The following SLC5A1 variants were observed in gnomAD, a reference collection of about 807,000 sequenced individuals.
SLC5A1 encodes the protein solute carrier family 5 member 1.
SLC5A1 carries 42 observed loss-of-function variants against 73.5 expected under a neutral mutation model. The ratio of observed to expected loss-of-function variants is 0.57; its 90% CI spans 0.45 to 0.74. The LOEUF (loss-of-function observed/expected upper bound fraction) is 0.74, where lower values mean the gene tolerates loss of function less well. SLC5A1 is among the 30% of genes least tolerant of loss of function. The pLI is 0.00. For missense variants in SLC5A1, 634 were observed against 855.4 expected, an observed-to-expected ratio of 0.74 and a Z score of 3.23; for synonymous variants, 300 against 317.4, an observed-to-expected ratio of 0.95 and a Z score of 0.58.
In SLC5A1 at chr22:32,049,806, A is replaced by C. The variant is rs1024224103; in HGVS notation, c.136-137A>C. On this transcript the variant is annotated intron_variant, in intron 1 of 14. Coordinates refer to ENST00000266088, the MANE Select transcript of SLC5A1 (RefSeq NM_000343.4). The stretch of plus-strand genomic sequence containing the variant: ...CTTCATCTAAGTCTTTTGAGGCTGC[A>C]GGGGAAGAAGGAATGTGAAAGTGTT... 4 of 789,266 alleles carry C rather than the reference A, an allele frequency of 5.1e-6. No homozygotes were observed. In the Admixed American group the frequency reaches 6.8e-5, roughly 13 times the overall value. 48.9% of individuals were successfully genotyped at this position (789,266 alleles called of 1,614,324 possible). A position where few individuals can be genotyped will look rare whatever the true frequency, so the allele number is the denominator to read the frequency against.
Position 32,049,989 on chromosome 22 carries a change from C to T in SLC5A1, c.182C>T (p.Ala61Val), listed in dbSNP as rs1277952619. Residue 61 changes from alanine to valine, a missense_variant, in exon 2 of 15, where the codon GCA (alanine) becomes GTA (valine). By Grantham distance (64) the Ala-to-Val change is moderately conservative (BLOSUM62 0). Coordinates refer to ENST00000266088, the MANE Select transcript of SLC5A1 (RefSeq NM_000343.4). ...NRGTVGGFFL[A>V]GRSMVWWPIG... ...GGGACTGTTGGAGGCTTCTTCCTGGCAGGCCGAAGTATGGTGTGGTGGCCG... is the reference window on the plus strand; with the variant it reads ...GGGACTGTTGGAGGCTTCTTCCTGGTAGGCCGAAGTATGGTGTGGTGGCCG... The T allele has an allele frequency of 1.9e-6, 3 of 1,613,960 alleles. No homozygotes were observed. The highest frequency in any genetic ancestry group is 2.5e-6 in the Non-Finnish European group (3 of 1,179,958).
chr22:32,104,896 C>T lies in SLC5A1; in HGVS notation c.1771+5C>T, dbSNP rs1038003566. 1 of 1,594,272 alleles carries T rather than the reference C, an allele frequency of 6.3e-7. No homozygotes were observed. The highest frequency in any genetic ancestry group is 1.3e-5 in the African/African-American group (1 of 74,686). On this transcript the variant is annotated splice_donor_5th_base_variant and intron_variant, in intron 14 of 14. Coordinates refer to ENST00000266088, the MANE Select transcript of SLC5A1 (RefSeq NM_000343.4). ...CTAAGGAGACCATTGAAATAGGTGA[C>T]TTATGACCCAGAGCAGATCCTAAAC... is the stretch of plus-strand genomic sequence containing the variant.
At position 32,043,698 on chromosome 22, in the gene SLC5A1, G is replaced by A. The variant is rs1386097748; in HGVS notation, c.135+282G>A. ...AAGGTGGGGGTTTGAAGAGACCGCT[G>A]GAAAGTGTAAGGGGCAGGAAAGCGG... On this transcript the variant is annotated intron_variant, in intron 1 of 14. Coordinates refer to ENST00000266088, the MANE Select transcript of SLC5A1 (RefSeq NM_000343.4). This position sits in a 1 kb window ranked among gnomAD's most constrained non-coding sequence, Gnocchi z 6.5. Among the ~76,000 whole-genome samples the A allele has an allele frequency of 1.3e-5, 2 of 152,196 alleles. No individual in the cohort carries two copies. The highest frequency in any genetic ancestry group is 4.8e-5 in the African/African-American group (2 of 41,438).
At chr22:32,048,629 C>A (rs1448062963) in intron 1 of SLC5A1, among the ~76,000 whole-genome samples, 3 of 152,182 alleles carry the variant, frequency 2.0e-5, no homozygotes, top group African/African-American at 2.4e-5. Context: ...TCTGCTGTTT[C>A]TGGAATCTTA....
chr22:32,091,947 T>A (rs1157622895), intron 11 of SLC5A1, among the ~76,000 whole-genome samples, 185 bp downstream of exon 11: 1 of 152,202 alleles, frequency 6.6e-6, no homozygotes, highest in Admixed American at 6.5e-5. Context: ...TTATTATTTT[T>A]AAATTTTTTA....
intron 1 of SLC5A1, among the ~76,000 whole-genome samples, chr22:32,047,606 C>T (rs1290736331): frequency 6.6e-6 from 1 of 152,176 alleles, no homozygotes; most frequent in Non-Finnish European, 1.5e-5. Flanking sequence ...GCCATGCTCT[C>T]CCGGGTACTG....
chr22:32,056,841 A>G (rs756393069), intron 2 of SLC5A1, among the ~76,000 whole-genome samples: 1 of 152,212 alleles, frequency 6.6e-6, no homozygotes, highest in Non-Finnish European at 1.5e-5. Flanking sequence ...CAAGGAGAAA[A>G]CGATGACTCT....
intron 7 of SLC5A1, among the ~76,000 whole-genome samples, chr22:32,084,213 C>T (rs971738396): frequency 6.6e-6 from 1 of 152,238 alleles, no homozygotes; most frequent in South Asian, 2.1e-4. Context: ...CAAGTGATTG[C>T]TTTGGTCCCC....
At chr22:32,084,012 C>T (rs2149492198) in intron 7 of SLC5A1, among the ~76,000 whole-genome samples, 1 of 152,314 alleles carries the variant, frequency 6.6e-6, no homozygotes, top group East Asian at 1.9e-4. Flanking sequence ...GGTCTGAGGT[C>T]CCAAAGGCCA....
chr22:32,085,660 C>T (rs2094007046), intron 9 of SLC5A1, among the ~76,000 whole-genome samples: 1 of 151,612 alleles, frequency 6.6e-6, no homozygotes, highest in South Asian at 2.1e-4. Context: ...ATCCTTCCAC[C>T]CTGAATGTTT....
At chr22:32,094,764 A>C (rs935695855) in intron 11 of SLC5A1, among the ~76,000 whole-genome samples, 3 of 150,152 alleles carry the variant, frequency 2.0e-5, no homozygotes, top group African/African-American at 7.3e-5. Context: ...ATGGTCTATC[A>C]ATTTTATTTA....
intron 5 of SLC5A1, among the ~76,000 whole-genome samples, chr22:32,079,043 A>G (rs900164984): frequency 3.3e-5 from 5 of 151,370 alleles, no homozygotes; most frequent in Non-Finnish European, 5.9e-5. Context: ...TTACTTTTCA[A>G]TGTTGTTTTG....
chr22:32,106,724 T>G (rs1348190897), intron 14 of SLC5A1, among the ~76,000 whole-genome samples: 1 of 152,252 alleles, frequency 6.6e-6, no homozygotes, highest in Non-Finnish European at 1.5e-5. Flanking sequence ...TACTTTCTTC[T>G]ACTTCAGTAT....
At chr22:32,050,504 C>T (rs1051041195) in intron 2 of SLC5A1, among the ~76,000 whole-genome samples, 2 of 152,068 alleles carry the variant, frequency 1.3e-5, no homozygotes, top group African/African-American at 2.4e-5. Flanking sequence ...GGGTTGTCAC[C>T]CACAAGAAAA....
intron 1 of SLC5A1, among the ~76,000 whole-genome samples, chr22:32,048,350 C>A (rs559746777): frequency 6.6e-6 from 1 of 152,252 alleles, no homozygotes; most frequent in African/African-American, 2.4e-5. Context: ...AGAAATAATC[C>A]GAAGGCTTAG....
intron 2 of SLC5A1, among the ~76,000 whole-genome samples, chr22:32,054,603 T>C (rs1259658069): frequency 2.0e-5 from 3 of 152,172 alleles, no homozygotes; most frequent in Non-Finnish European, 4.4e-5. Context: ...AAGGCCCTGA[T>C]GTAGGAAGAA....
intron 1 of SLC5A1, among the ~76,000 whole-genome samples, chr22:32,049,564 G>T (rs2093942556): frequency 6.7e-6 from 1 of 150,290 alleles, no homozygotes; most frequent in Non-Finnish European, 1.5e-5. Context: ...TACTCAGGAG[G>T]CTAAAATAAA....
rs2094017819 is a variant in SLC5A1 at position 32,091,641 on chromosome 22, C to T, written c.1159C>T (p.Leu387=). Residue 387 remains leucine, a synonymous_variant, in exon 11 of 15, where the codon CTG becomes TTG. Transcript: ENST00000266088. ...GLRGLMLSVM[L]ASLMSSLTSI... is the part of the protein sequence containing the mutation. The stretch of plus-strand genomic sequence containing the variant: ...GCGAGGCCTGATGCTATCAGTCATG[C>T]TGGCCTCCCTCATGAGCTCCCTGAC... The T allele has an allele frequency of 1.9e-6, 3 of 1,614,038 alleles. No homozygotes were observed. The highest frequency in any genetic ancestry group is 1.3e-5 in the African/African-American group (1 of 74,924).
At chr22:32,099,013 G>T (rs2094030969) in intron 11 of SLC5A1, among the ~76,000 whole-genome samples, 170 bp from the exon 12 acceptor site, 1 of 148,984 alleles carries the variant, frequency 6.7e-6, no homozygotes, top group South Asian at 2.1e-4. Flanking sequence ...GTGAATCCGG[G>T]TGGCAGAGCT....
Sources: gnomAD v4.1 joint callset for allele counts (sites outside exome capture counted in the v4.1 genomes callset) on GRCh38, gnomAD v4.1.1 for gene constraint, Gnocchi (gnomAD v3.1) non-coding constraint, MANE v1.5 for transcripts, NCBI Gene and HGNC (gene_info 2026-07-23, HGNC 2026-07-21) for gene names.